VEPH1: variants seen among roughly 807,000 people sequenced by gnomAD.
VEPH1 encodes the protein ventricular zone-expressed PH domain-containing protein homolog 1.
Under a neutral mutation model 85.2 loss-of-function variants are expected in VEPH1, and 80 were observed. The observed-to-expected ratio is 0.94, with a 90% confidence interval of 0.78 to 1.13. VEPH1 has a LOEUF of 1.13. Ranked by LOEUF, VEPH1 falls within the 50% of genes most tolerant of loss-of-function variation. VEPH1 has a pLI of 0.00. For missense variants in VEPH1, 955 were observed against 980.5 expected, an observed-to-expected ratio of 0.97 and a Z score of 0.35; for synonymous variants, 297 against 348.0, an observed-to-expected ratio of 0.85 and a Z score of 1.63.
At chr3:157,478,334 C>A (rs943854974) in intron 2 of VEPH1, among the ~76,000 whole-genome samples, 1 of 152,118 alleles carries the variant, frequency 6.6e-6, no homozygotes, top group African/African-American at 2.4e-5. Context: ...TCATCTACCC[C>A]CTAACAGGTA....
intron 4 of VEPH1, among the ~76,000 whole-genome samples, chr3:157,453,652 A>G (rs1735143948): frequency 6.6e-6 from 1 of 152,220 alleles, no homozygotes; most frequent in African/African-American, 2.4e-5. Context: ...ACTATAAGTA[A>G]TGAAAAAAGA....
intron 6 of VEPH1, among the ~76,000 whole-genome samples, chr3:157,383,306 A>G (rs1293158086): frequency 6.6e-6 from 1 of 152,212 alleles, no homozygotes; most frequent in African/African-American, 2.4e-5. Flanking sequence ...TTTTATTTAT[A>G]ATTTCCTAAT....
intron 6 of VEPH1, among the ~76,000 whole-genome samples, chr3:157,391,192 C>A (rs1000031187): frequency 6.6e-6 from 1 of 152,216 alleles, no homozygotes; most frequent in African/African-American, 2.4e-5. Flanking sequence ...GCTGAGTGGG[C>A]AGAGCCAGCC....
chr3:157,447,004 A>C (rs1734602932), intron 4 of VEPH1, among the ~76,000 whole-genome samples: 1 of 152,260 alleles, frequency 6.6e-6, no homozygotes, highest in South Asian at 2.1e-4. Flanking sequence ...TTTTCAAAAA[A>C]GTGTTTTATA....
intron 2 of VEPH1, among the ~76,000 whole-genome samples, chr3:157,488,503 C>CTTTTTTTTTTTTTTTTT (rs368748738): frequency 7.5e-6 from 1 of 134,210 alleles, no homozygotes; most frequent in Admixed American, 7.6e-5. Context: ...TTCTTTCTTT[C>CTTTTTTTTTTTTTTTTT]TTTCTTTTTT....
chr3:157,474,657 T>C (rs1737281545), intron 2 of VEPH1, among the ~76,000 whole-genome samples: 1 of 152,204 alleles, frequency 6.6e-6, no homozygotes, highest in South Asian at 2.1e-4. Flanking sequence ...TGGAGCTACA[T>C]GTAGACTTCA....
chr3:157,403,255 T>C (rs1329007770), intron 6 of VEPH1, among the ~76,000 whole-genome samples: 1 of 151,928 alleles, frequency 6.6e-6, no homozygotes, highest in Non-Finnish European at 1.5e-5. Flanking sequence ...AAAAATCAAA[T>C]AACATTAAAA....
chr3:157,477,214 T>A (rs1306485390), intron 2 of VEPH1, among the ~76,000 whole-genome samples: 1 of 151,690 alleles, frequency 6.6e-6, no homozygotes, highest in Non-Finnish European at 1.5e-5. Flanking sequence ...TAATCTGTTC[T>A]AGCTTCTAGA....
In VEPH1 at chr3:157,471,003, C is replaced by T. The variant is rs570280013; in HGVS notation, c.139-474G>A. On this transcript the variant is annotated intron_variant, in intron 2 of 13. Coordinates refer to ENST00000362010, the MANE Select transcript of VEPH1 (RefSeq NM_001167912.2). ...CTTTTCAACTCAAATAACTACAAAA[C>T]CCATTTTACCTTTCCCCAACCAGGT... 3.3e-5 allele frequency among the ~76,000 whole-genome samples: 5 copies of T among 152,248 alleles called. No individual in the cohort carries two copies. The East Asian group carries it at 9.6e-4, about 29-fold the overall frequency.
At chr3:157,394,679 G>C (rs1287060412) in intron 6 of VEPH1, among the ~76,000 whole-genome samples, 1 of 152,178 alleles carries the variant, frequency 6.6e-6, no homozygotes, top group African/African-American at 2.4e-5. Flanking sequence ...ACAAGGGTGG[G>C]AAGGTGCCAC....
At chr3:157,470,997 A>T (rs1294429213) in intron 2 of VEPH1, among the ~76,000 whole-genome samples, 2 of 152,178 alleles carry the variant, frequency 1.3e-5, no homozygotes, top group African/African-American at 4.8e-5. Flanking sequence ...TCAAATAACT[A>T]CAAAACCCAT....
chr3:157,391,815 A>G (rs951555901), intron 6 of VEPH1, among the ~76,000 whole-genome samples: 1 of 152,248 alleles, frequency 6.6e-6, no homozygotes, highest in Non-Finnish European at 1.5e-5. Flanking sequence ...AATGCTAAAG[A>G]GAAAAATCTT....
intron 9 of VEPH1, among the ~76,000 whole-genome samples, chr3:157,351,424 C>T (rs573863403): frequency 1.3e-5 from 2 of 152,230 alleles, no homozygotes; most frequent in South Asian, 4.2e-4. Context: ...AAACTCCTGG[C>T]CTCAAGCAAT....
At chr3:157,443,933 C>T (rs900985671) in intron 4 of VEPH1, among the ~76,000 whole-genome samples, 5 of 152,180 alleles carry the variant, frequency 3.3e-5, no homozygotes, top group African/African-American at 1.2e-4. Flanking sequence ...AAACACCAAA[C>T]ATGAATTATC....
chr3:157,367,985 T>G (rs1476728239), intron 7 of VEPH1, among the ~76,000 whole-genome samples: 1 of 152,268 alleles, frequency 6.6e-6, no homozygotes, highest in Non-Finnish European at 1.5e-5. Context: ...ATAATTTTAT[T>G]GGATCAGTTT....
intron 2 of VEPH1, among the ~76,000 whole-genome samples, chr3:157,490,613 A>G (rs1489836779): frequency 1.3e-5 from 2 of 152,162 alleles, no homozygotes; most frequent in African/African-American, 4.8e-5. Context: ...AAATCTGATA[A>G]AAGCAAGCAC....
At chr3:157,385,590 A>C (rs1560018044) in intron 6 of VEPH1, among the ~76,000 whole-genome samples, 1 of 152,196 alleles carries the variant, frequency 6.6e-6, no homozygotes, top group African/African-American at 2.4e-5. Context: ...TATTTTTGCA[A>C]ATTTCTTTAG....
intron 9 of VEPH1, among the ~76,000 whole-genome samples, chr3:157,350,414 A>G (rs1472442374): frequency 2.0e-5 from 3 of 152,188 alleles, no homozygotes; most frequent in African/African-American, 4.8e-5. Context: ...CTATACAACT[A>G]CTAGAAGAAA....
rs1204432133 is a variant in VEPH1 at position 157,272,420 on chromosome 3, TTTCTTTCTTTC to T, written c.2129-6769_2129-6759del. ...CTTTCTTTCTTTCTTTCTTTCTTTC[TTTCTTTCTTTC>T]TTTCTTTCCTTCTCTCTCTCTCTTT... On this transcript the variant is annotated intron_variant, in intron 12 of 13. Transcript: ENST00000362010. 3.4e-5 allele frequency among the ~76,000 whole-genome samples: 5 copies of T among 148,078 alleles called. No individual in the cohort carries two copies. The East Asian group carries it at 9.9e-4, about 29-fold the overall frequency.
Sources: gnomAD v4.1 joint callset for allele counts (sites outside exome capture counted in the v4.1 genomes callset) on GRCh38, gnomAD v4.1.1 for gene constraint, MANE v1.5 for transcripts, NCBI Gene and HGNC (gene_info 2026-07-23, HGNC 2026-07-21) for gene names.